SPATA6: variants seen among roughly 807,000 people sequenced by gnomAD.
SPATA6 encodes spermatogenesis associated 6.
In SPATA6, 56 loss-of-function variants were observed where a neutral mutation model predicts 65.3. The ratio of observed to expected loss-of-function variants is 0.86; its 90% CI spans 0.69 to 1.07. The LOEUF is 1.07. Among genes scored for constraint, SPATA6 ranks in the 50% least tolerant of loss-of-function variants. The pLI, the probability that SPATA6 is intolerant of heterozygous loss-of-function variation, is 0.00. For synonymous variants in SPATA6, 199 were observed against 213.2 expected (o/e 0.93, Z 0.58); for missense variants, 590 against 594.8 (o/e 0.99, Z 0.08).
At chr1:48,279,624 A>G in the SPATA6 span, among the ~76,000 whole-genome samples, 1 of 152,228 alleles carries the variant, frequency 6.6e-6, no homozygotes, top group South Asian at 2.1e-4. Context: ...TTCAACAAGA[A>G]GAGCTAACTA....
chr1:48,277,770 GAC>G, the SPATA6 span, among the ~76,000 whole-genome samples: 7 of 152,220 alleles, frequency 4.6e-5, no homozygotes, highest in Non-Finnish European at 1.0e-4. Flanking sequence ...CAAACAAAAA[GAC>G]AGCAGTAACC....
intron 11 of SPATA6, among the ~76,000 whole-genome samples, chr1:48,323,765 A>T (rs1234663862): frequency 6.6e-6 from 1 of 152,112 alleles, no homozygotes; most frequent in Non-Finnish European, 1.5e-5. Flanking sequence ...AAAAATGTAC[A>T]AATTCCTAAA....
intron 11 of SPATA6, among the ~76,000 whole-genome samples, chr1:48,313,843 G>T (rs1170356113): frequency 6.6e-6 from 1 of 152,100 alleles, no homozygotes; most frequent in Non-Finnish European, 1.5e-5. Context: ...TAAAGGGATG[G>T]AGGAAGATCA....
At position 48,325,432 on chromosome 1, in the gene SPATA6, G is replaced by A. The variant is rs192473088; in HGVS notation, c.1195-19554C>T. ...CCCTCCCCCAGCTTCTTCTTGACTG[G>A]GACCACTGCAGTTTGCACTATGTTC... On this transcript the variant is annotated intron_variant, in intron 11 of 12. Transcript: ENST00000371847. 1,154 of 1,284,408 alleles carry A rather than the reference G, an allele frequency of 9.0e-4. 2 individuals are homozygous for A. The highest frequency in any genetic ancestry group is 9.4e-4 in the Middle Eastern group (5 of 5,324). The allele number at this position is 1,284,408 out of a possible 1,614,324, so 79.6% of individuals were successfully genotyped here.
intron 3 of SPATA6, among the ~76,000 whole-genome samples, chr1:48,417,391 C>CTT (rs1446990805): frequency 1.7e-4 from 26 of 152,148 alleles, no homozygotes; most frequent in African/African-American, 6.0e-4. Context: ...AGAAAAGTAT[C>CTT]TACATTATCA....
intron 11 of SPATA6, chr1:48,325,723 T>C (rs1195946692): frequency 3.7e-6 from 2 of 537,980 alleles, no homozygotes; most frequent in South Asian, 3.6e-5. Flanking sequence ...TCAGAGCCAA[T>C]GGCAATGGCC....
the SPATA6 span, among the ~76,000 whole-genome samples, chr1:48,284,205 C>T: frequency 6.6e-6 from 1 of 152,090 alleles, no homozygotes; most frequent in Non-Finnish European, 1.5e-5. Context: ...ATCCTTTCTT[C>T]CACTTGATCA....
chr1:48,384,021 G>A (rs1002296569), intron 9 of SPATA6, among the ~76,000 whole-genome samples: 2 of 151,270 alleles, frequency 1.3e-5, no homozygotes, highest in Non-Finnish European at 2.9e-5. Flanking sequence ...CGGAGATCAC[G>A]CCACTGCACT....
At chr1:48,448,356 G>T (rs1656259584) in intron 3 of SPATA6, among the ~76,000 whole-genome samples, 2 of 151,840 alleles carry the variant, frequency 1.3e-5, no homozygotes, top group Non-Finnish European at 1.5e-5. Flanking sequence ...CATGAAATCT[G>T]AAATGTCCCA....
At chr1:48,441,792 T>C (rs1203418281) in intron 3 of SPATA6, among the ~76,000 whole-genome samples, 2 of 152,166 alleles carry the variant, frequency 1.3e-5, no homozygotes, top group African/African-American at 4.8e-5. Flanking sequence ...GGTGGCCGTC[T>C]TAGTGTCAGA....
intron 11 of SPATA6, among the ~76,000 whole-genome samples, chr1:48,324,245 A>G (rs1293198123): frequency 6.6e-6 from 1 of 152,190 alleles, no homozygotes; most frequent in Non-Finnish European, 1.5e-5. Flanking sequence ...GGGATGAGCC[A>G]TCATGCCTTG....
At chr1:48,442,198 C>G (rs1038741071) in intron 3 of SPATA6, among the ~76,000 whole-genome samples, 1 of 152,174 alleles carries the variant, frequency 6.6e-6, no homozygotes, top group East Asian at 1.9e-4. Flanking sequence ...CCTCTTCCCC[C>G]AGGGACTGGC....
intron 12 of SPATA6, among the ~76,000 whole-genome samples, chr1:48,300,885 T>C (rs1390077088): frequency 6.6e-6 from 1 of 151,892 alleles, no homozygotes; most frequent in African/African-American, 2.4e-5. Context: ...AACCCCTCCA[T>C]AAACTGGGCA....
chr1:48,267,937 G>A, the SPATA6 span, among the ~76,000 whole-genome samples: 6 of 151,628 alleles, frequency 4.0e-5, no homozygotes, highest in Non-Finnish European at 8.8e-5. Flanking sequence ...ATTTTTAGTA[G>A]AGACGGGGTT....
chr1:48,278,963 T>C, the SPATA6 span, among the ~76,000 whole-genome samples: 4 of 152,146 alleles, frequency 2.6e-5, no homozygotes, highest in African/African-American at 9.7e-5. Flanking sequence ...GGGAAGCCCA[T>C]CAAACTAACA....
chr1:48,457,978 G>A, intron 1 of SPATA6, among the ~76,000 whole-genome samples: 1 of 151,212 alleles, frequency 6.6e-6, no homozygotes, highest in African/African-American at 2.4e-5. Context: ...ATAATATAAA[G>A]GAAGGGAGGG....
Position 48,429,282 on chromosome 1 carries a change from T to A in SPATA6, c.239-16131A>T, listed in dbSNP as rs548193524. 1.4e-4 allele frequency among the ~76,000 whole-genome samples: 21 copies of A among 152,318 alleles called. No individual in the cohort carries two copies. In the South Asian group the frequency reaches 4.4e-3, roughly 32 times the overall value. ...CCCAAGGACCAGAATTCTTCTTCCC[T>A]CTTTTATTTTTCTTTTTCCCTTTTT... On this transcript the variant is annotated intron_variant, in intron 3 of 12. Coordinates refer to ENST00000371847, the MANE Select transcript of SPATA6 (RefSeq NM_019073.4).
At chr1:48,284,540 A>C in the SPATA6 span, among the ~76,000 whole-genome samples, 1 of 152,134 alleles carries the variant, frequency 6.6e-6, no homozygotes, top group South Asian at 2.1e-4. Context: ...AGCCTATTTG[A>C]CCTGTATTTT....
intron 11 of SPATA6, among the ~76,000 whole-genome samples, chr1:48,314,658 A>G (rs1269402054): frequency 6.6e-6 from 1 of 152,194 alleles, no homozygotes; most frequent in Non-Finnish European, 1.5e-5. Flanking sequence ...AAACACATTC[A>G]AAACCTGGCA....
Sources: allele counts gnomAD v4.1 joint callset (sites outside exome capture counted in the v4.1 genomes callset), GRCh38; gene constraint gnomAD v4.1.1; transcripts MANE v1.5; gene names NCBI Gene and HGNC (gene_info 2026-07-23, HGNC 2026-07-21).